Variants in SPICE1 observed in about 807,000 individuals in gnomAD.
SPICE1 encodes the protein spindle and centriole-associated protein 1.
SPICE1 carries 75 observed loss-of-function variants against 102.7 expected under a neutral mutation model. The observed-to-expected ratio is 0.73, with a 90% CI of 0.61 to 0.88. The LOEUF (loss-of-function observed/expected upper bound fraction) is 0.88, where lower values mean the gene tolerates loss of function less well. Among genes scored for constraint, SPICE1 ranks in the 40% least tolerant of loss-of-function variants. The pLI is 0.00. For missense variants in SPICE1, 979 were observed against 1,020.1 expected (o/e 0.96, Z 0.55); for synonymous variants, 308 against 350.3 (o/e 0.88, Z 1.35).
chr3:113,514,928 G>A lies in SPICE1; in HGVS notation c.-32C>T, dbSNP rs1311998362. 2 of 1,107,358 alleles carry A rather than the reference G, an allele frequency of 1.8e-6. No individual in the cohort carries two copies. Among genetic ancestry groups the A allele is most frequent in the Non-Finnish European group, 2.3e-6 (2 of 875,124 alleles). The allele number at this position is 1,107,358 out of a possible 1,614,324, so 68.6% of individuals were successfully genotyped here. ...TCTCAAAACACAGAGCCGCGGCTGC[G>A]CTTCCTGAAGTAAGGATTCCCCAAC... On this transcript the variant is annotated 5_prime_UTR_variant, in exon 1 of 18. Transcript: ENST00000295872.
In SPICE1 at chr3:113,445,440, C is replaced by G; in HGVS notation, c.2515-80G>C. On this transcript the variant is annotated intron_variant, in intron 17 of 17. Transcript: ENST00000295872. ...CTCAAGATTTACAGATCATTTAGAC[C>G]AAGTGCATAAAACAAAGTCATCCTG... 3 of 1,186,472 alleles carry G rather than the reference C, an allele frequency of 2.5e-6. No individual in the cohort carries two copies. The South Asian group carries it at 3.8e-5, about 15-fold the overall frequency. 73.5% of individuals were successfully genotyped at this position (1,186,472 alleles called of 1,614,324 possible).
chr3:113,454,039 A>G, intron 13 of SPICE1, 89 bp from the exon 14 acceptor site: 1 of 1,253,936 alleles, frequency 8.0e-7, no homozygotes, highest in South Asian at 1.6e-5. Flanking sequence ...CATGGTAGTT[A>G]GAAAAGTATT....
intron 15 of SPICE1, chr3:113,450,122 A>G (rs1935610925): frequency 1.8e-6 from 1 of 569,186 alleles, no homozygotes; most frequent in African/African-American, 1.9e-5. Context: ...AAGATTAACT[A>G]TAGGCATCAT....
chr3:113,454,721 GAAA>G (rs758376797), intron 13 of SPICE1, among the ~76,000 whole-genome samples: 15 of 138,632 alleles, frequency 1.1e-4, no homozygotes, highest in Non-Finnish European at 2.0e-4. Flanking sequence ...CATCTCAAAG[GAAA>G]AAAAAAAAAA....
intron 4 of SPICE1, among the ~76,000 whole-genome samples, chr3:113,494,512 T>TA (rs1274716832): frequency 6.6e-6 from 1 of 151,720 alleles, no homozygotes; most frequent in Non-Finnish European, 1.5e-5. Context: ...CCGGGCGTGG[T>TA]AGCGGGCGCC....
chr3:113,457,890 T>A (rs555731705), intron 12 of SPICE1, among the ~76,000 whole-genome samples: 15 of 152,276 alleles, frequency 9.9e-5, no homozygotes, highest in African/African-American at 3.6e-4. Flanking sequence ...TTTTTCATTA[T>A]TTGTTATGGA....
chr3:113,482,830 AG>A (rs1249278388), intron 7 of SPICE1, among the ~76,000 whole-genome samples: 2 of 152,180 alleles, frequency 1.3e-5, no homozygotes, highest in African/African-American at 4.8e-5. Flanking sequence ...GTTTGAATTC[AG>A]GTAGTGTGAT....
Position 113,473,224 on chromosome 3 carries a change from G to T in SPICE1, c.612-3986C>A, listed in dbSNP as rs1205141919. On this transcript the variant is annotated intron_variant, in intron 7 of 17. Transcript: ENST00000295872. ...AAATGAATGAAATGAAGCGAGAAGGGAAGTTTACAGAAAAAAGAATAAAAA... is the reference window on the plus strand; with the variant it reads ...AAATGAATGAAATGAAGCGAGAAGGTAAGTTTACAGAAAAAAGAATAAAAA... Among the ~76,000 whole-genome samples, 4 of 152,118 alleles carry T rather than the reference G, an allele frequency of 2.6e-5. No individual in the cohort carries two copies. The South Asian group carries it at 8.3e-4, about 32-fold the overall frequency.
chr3:113,469,173 T>C lies in SPICE1; in HGVS notation c.677A>G (p.Gln226Arg), dbSNP rs1468451036. The C allele has an allele frequency of 3.1e-6, 5 of 1,613,362 alleles. No individual in the cohort carries two copies. Among genetic ancestry groups the C allele is most frequent in the South Asian group, 2.2e-5 (2 of 91,026 alleles). Residue 226 changes from glutamine (Q) to arginine (R), a missense_variant, in exon 8 of 18, where the codon CAG (glutamine) becomes CGG (arginine). By Grantham distance (43) the Gln-to-Arg change is conservative. Coordinates refer to ENST00000295872, the MANE Select transcript of SPICE1 (RefSeq NM_144718.4). ...LISKLWTDIQQKIATQSQITP... is the reference protein window; with the variant it reads ...LISKLWTDIQRKIATQSQITP... ...TATTTGTGACTGGGTTGCTATTTTC[T>C]GCTGAATGTCAGTCCACAACTTACT... is the stretch of plus-strand genomic sequence containing the variant.
intron 1 of SPICE1, among the ~76,000 whole-genome samples, chr3:113,509,803 G>A (rs1937183572): frequency 6.6e-6 from 1 of 152,172 alleles, no homozygotes; most frequent in Non-Finnish European, 1.5e-5. Context: ...ATTGGATCAT[G>A]GGGAGCAGTT....
intron 7 of SPICE1, among the ~76,000 whole-genome samples, chr3:113,479,506 G>A (rs1286679669): frequency 1.3e-5 from 2 of 151,926 alleles, no homozygotes; most frequent in East Asian, 3.9e-4. Context: ...TGGGATGGCT[G>A]GGTCAAATGG....
intron 11 of SPICE1, among the ~76,000 whole-genome samples, chr3:113,464,387 G>A (rs1936004519): frequency 6.6e-6 from 1 of 151,294 alleles, no homozygotes; most frequent in African/African-American, 2.4e-5. Flanking sequence ...CTCCCAAGCA[G>A]CTAGGACTAC....
rs1437706976 is a variant in SPICE1, at chr3:113,461,781, AC to A, written c.1288-1018del. Among the ~76,000 whole-genome samples, 4 of 151,888 alleles carry A rather than the reference AC, an allele frequency of 2.6e-5. No homozygotes were observed. The East Asian group carries it at 7.7e-4, about 29-fold the overall frequency. On this transcript the variant is annotated intron_variant, in intron 11 of 17. Transcript: ENST00000295872. ...ATCTCTCATGTATGCTTAGAGAGAT[AC>A]AGACATTTGATAAAAGTCAGGTGCA... is the stretch of plus-strand genomic sequence containing the variant.
chr3:113,501,511 T>C (rs1937007747), intron 3 of SPICE1, among the ~76,000 whole-genome samples: 1 of 152,220 alleles, frequency 6.6e-6, no homozygotes, highest in South Asian at 2.1e-4. Flanking sequence ...TTGCAAATTA[T>C]ATCTGATTAG....
chr3:113,486,862 G>GATATAT (rs141247316), intron 7 of SPICE1, among the ~76,000 whole-genome samples: 2,089 of 143,952 alleles, frequency 0.015, 51 homozygotes, highest in African/African-American at 0.045. Context: ...AAAATAAGGA[G>GATATAT]ATATATATAT....
In SPICE1 at chr3:113,460,706, G is replaced by A; in HGVS notation, c.1346C>T (p.Ala449Val). The A allele has an allele frequency of 5.6e-6, 9 of 1,613,328 alleles. No homozygotes were observed. The highest frequency in any genetic ancestry group is 7.6e-6 in the Non-Finnish European group (9 of 1,179,830). Residue 449 changes from alanine (A) to valine (V), a missense_variant, in exon 12 of 18, where the codon GCT becomes GTT. Ala to Val is a moderately conservative substitution (Grantham distance 64). Transcript: ENST00000295872. ...TDEQLISLTH[A>V]IKNCPVINNR... The stretch of plus-strand genomic sequence containing the variant: ...ATTTATCACAGGACAGTTCTTAATA[G>A]CATGTGTGAGTGATATCAGTTGCTC...
intron 11 of SPICE1, 28 bp downstream of exon 11, chr3:113,465,625 C>T (rs1240589201): frequency 6.2e-7 from 1 of 1,601,772 alleles, no homozygotes; most frequent in Non-Finnish European, 8.5e-7. Context: ...CCACTGAACA[C>T]ATAAAAATTG....
Position 113,460,709 on chromosome 3 carries a change from T to C in SPICE1, c.1343A>G (p.His448Arg). ...TATCACAGGACAGTTCTTAATAGCATGTGTGAGTGATATCAGTTGCTCATC... is the reference window on the plus strand; with the variant it reads ...TATCACAGGACAGTTCTTAATAGCACGTGTGAGTGATATCAGTTGCTCATC... ...TTDEQLISLT[H>R]AIKNCPVINN... Residue 448 changes from histidine to arginine, a missense_variant, in exon 12 of 18, where the codon CAT (histidine) becomes CGT (arginine). Transcript: ENST00000295872. 1 of 1,613,632 alleles carries C rather than the reference T, an allele frequency of 6.2e-7. No individual in the cohort carries two copies. Among genetic ancestry groups the C allele is most frequent in the Non-Finnish European group, 8.5e-7 (1 of 1,179,894 alleles).
intron 7 of SPICE1, among the ~76,000 whole-genome samples, chr3:113,480,519 T>C (rs1936466378): frequency 6.6e-6 from 1 of 152,036 alleles, no homozygotes. Flanking sequence ...CATGGCCAAA[T>C]AGAATTTACT....
Sources: gnomAD v4.1 joint callset for allele counts (sites outside exome capture counted in the v4.1 genomes callset) on GRCh38, gnomAD v4.1.1 for gene constraint, MANE v1.5 for transcripts, NCBI Gene and HGNC (gene_info 2026-07-23, HGNC 2026-07-21) for gene names.